Variants in MRTFA observed in about 807,000 individuals in gnomAD.
MRTFA encodes myocardin-related transcription factor A.
A neutral mutation model predicts 83.5 loss-of-function variants in MRTFA; 20 were observed. That is an observed-to-expected ratio of 0.24 (90% CI 0.17 to 0.35). The LOEUF is 0.35. MRTFA is among the 10% of genes least tolerant of loss of function. The pLI, the probability that MRTFA is intolerant of heterozygous loss-of-function variation, is 1.00. For synonymous variants in MRTFA, 659 were observed against 541.2 expected, an observed-to-expected ratio of 1.22 and a Z score of -3.02; for missense variants, 1,200 against 1,224.7, an observed-to-expected ratio of 0.98 and a Z score of 0.30.
chr22:40,475,626 G>A (rs1000460529), intron 3 of MRTFA, among the ~76,000 whole-genome samples: 2 of 152,204 alleles, frequency 1.3e-5, no homozygotes, highest in African/African-American at 4.8e-5. Flanking sequence ...CCAAGAGTGG[G>A]CATGCCCTAC....
In MRTFA at chr22:40,416,378, G is replaced by A. The variant is rs2052679604; in HGVS notation, c.2578+608C>T. Among the ~76,000 whole-genome samples, 1 of 152,188 alleles carries A rather than the reference G, an allele frequency of 6.6e-6. No individual in the cohort carries two copies. The highest frequency in any genetic ancestry group is 1.5e-5 in the Non-Finnish European group (1 of 68,038). Reference sequence around the variant, plus strand: ...CTTCTGCCCTTGCACGGCTACTATCGCCTGGGTCCTGCATCAGACCAGGCC... The same window carrying A: ...CTTCTGCCCTTGCACGGCTACTATCACCTGGGTCCTGCATCAGACCAGGCC... On this transcript the variant is annotated intron_variant, in intron 14 of 14. Transcript: ENST00000355630. The surrounding 1 kb of genome is among the most constrained non-coding windows in gnomAD (Gnocchi z 4.2).
intron 3 of MRTFA, among the ~76,000 whole-genome samples, chr22:40,495,686 G>T (rs898297674): frequency 6.7e-6 from 1 of 150,152 alleles, no homozygotes; most frequent in Admixed American, 6.6e-5. Context: ...TTGAACCGGG[G>T]AGGTGGAGGT....
intron 2 of MRTFA, among the ~76,000 whole-genome samples, chr22:40,590,658 A>AG (rs1164683546): frequency 2.7e-5 from 4 of 150,122 alleles, no homozygotes; most frequent in Admixed American, 1.3e-4. Flanking sequence ...GTGTAACAGA[A>AG]CAAGACTCTG....
intron 4 of MRTFA, among the ~76,000 whole-genome samples, chr22:40,437,016 A>T (rs1270197642): frequency 1.3e-5 from 2 of 152,182 alleles, no homozygotes; most frequent in Non-Finnish European, 2.9e-5. Flanking sequence ...ATTTATTTTT[A>T]AAAATTTTTT....
chr22:40,554,448 A>T (rs892731369), intron 2 of MRTFA, among the ~76,000 whole-genome samples: 8 of 152,096 alleles, frequency 5.3e-5, no homozygotes, highest in African/African-American at 1.9e-4. Flanking sequence ...ATAGTGAGTG[A>T]GCTCTCACAA....
intron 3 of MRTFA, among the ~76,000 whole-genome samples, chr22:40,547,133 C>T (rs985974654): frequency 1.7e-4 from 25 of 151,164 alleles, no homozygotes; most frequent in African/African-American, 5.6e-4. Context: ...CCAGCCTGGG[C>T]GACAGAGTGA....
rs1464613085 is a variant in MRTFA at position 40,577,382 on chromosome 22, A to G, written c.-22+17292T>C. On this transcript the variant is annotated intron_variant, in intron 2 of 14. Transcript: ENST00000355630. ...TTGGAATGAGAGAAAGCACAACTTT[A>G]AAGGATGTTATGTACATAATAGACA... 2.0e-5 allele frequency among the ~76,000 whole-genome samples: 3 copies of G among 152,096 alleles called. No homozygotes were observed. In the South Asian group the frequency reaches 6.2e-4, roughly 31 times the overall value.
chr22:40,454,920 C>T (rs2053556262), intron 4 of MRTFA, among the ~76,000 whole-genome samples: 1 of 152,202 alleles, frequency 6.6e-6, no homozygotes, highest in Non-Finnish European at 1.5e-5. Context: ...CCTGTCTCAG[C>T]CTACTAAGTT....
intron 3 of MRTFA, among the ~76,000 whole-genome samples, chr22:40,536,926 A>C: frequency 1.2e-5 from 1 of 82,950 alleles, no homozygotes; most frequent in South Asian, 4.5e-4. Flanking sequence ...CCGTCTGAGA[A>C]GTGAGGAGCC....
chr22:40,609,823 T>C (rs1427062670), intron 1 of MRTFA, among the ~76,000 whole-genome samples: 1 of 151,894 alleles, frequency 6.6e-6, no homozygotes, highest in Non-Finnish European at 1.5e-5. Flanking sequence ...AGAGCAAGAC[T>C]CTACCTCAAA....
chr22:40,565,669 C>T lies in MRTFA; in HGVS notation c.-21-13302G>A, dbSNP rs573913495. On this transcript the variant is annotated intron_variant, in intron 2 of 14. Coordinates refer to ENST00000355630, the MANE Select transcript of MRTFA (RefSeq NM_020831.6). ...GAGTACAACAGACAGAAAATATCTTCGCTTTCTTGGGCCTACATTATAGTG... is the reference window on the plus strand; with the variant it reads ...GAGTACAACAGACAGAAAATATCTTTGCTTTCTTGGGCCTACATTATAGTG... Among the ~76,000 whole-genome samples the T allele has an allele frequency of 2.4e-3, 371 of 152,260 alleles. 10 individuals are homozygous for T. Among genetic ancestry groups the T allele is most frequent in the Admixed American group, 0.024 (360 of 15,292 alleles).
intron 5 of MRTFA, among the ~76,000 whole-genome samples, chr22:40,432,571 A>T (rs1400857888): frequency 6.6e-6 from 1 of 152,076 alleles, no homozygotes; most frequent in Non-Finnish European, 1.5e-5. Context: ...CAAACCACAG[A>T]ACATTAGTGG....
chr22:40,545,664 C>T (rs2055351851), intron 3 of MRTFA, among the ~76,000 whole-genome samples: 1 of 151,080 alleles, frequency 6.6e-6, no homozygotes, highest in South Asian at 2.1e-4. Flanking sequence ...AACTCCTGAC[C>T]TCAGGCGATC....
In MRTFA at chr22:40,418,507, G is replaced by A; in HGVS notation, c.2231C>T (p.Pro744Leu). 6.3e-7 allele frequency: 1 copy of A among 1,596,786 alleles called. No individual in the cohort carries two copies. The change falls in exon 12 of 15, where the codon CCT (proline) becomes CTT (leucine). Residue 744 changes from proline (P) to leucine (L), a missense_variant. By Grantham distance (98) the Pro-to-Leu change is moderately conservative. Coordinates refer to ENST00000355630, the MANE Select transcript of MRTFA (RefSeq NM_020831.6). Reference sequence around the variant, plus strand: ...CCCCTTGATGAGGCTGGGGCCCTGAGGCCCCAGAAGCAACTGGGGGGCGGG... The same window carrying A: ...CCCCTTGATGAGGCTGGGGCCCTGAAGCCCCAGAAGCAACTGGGGGGCGGG...
At chr22:40,452,886 A>G (rs564940607) in intron 4 of MRTFA, among the ~76,000 whole-genome samples, 5 of 151,864 alleles carry the variant, frequency 3.3e-5, no homozygotes, top group Non-Finnish European at 7.4e-5. Flanking sequence ...TCTTCTTCGG[A>G]CCGAACCATG....
chr22:40,541,000 T>A (rs2055280755), intron 3 of MRTFA, among the ~76,000 whole-genome samples: 2 of 152,090 alleles, frequency 1.3e-5, no homozygotes, highest in Non-Finnish European at 2.9e-5. Context: ...AAATTTTCAT[T>A]AGAACACATA....
At chr22:40,636,249 C>G (rs1602523012) in intron 1 of MRTFA, among the ~76,000 whole-genome samples, 1 of 152,180 alleles carries the variant, frequency 6.6e-6, no homozygotes, top group Admixed American at 6.5e-5. Context: ...CGACCGCGCC[C>G]GCCCGCCCGG....
intron 2 of MRTFA, chr22:40,587,388 T>C (rs757441448): frequency 2.6e-6 from 1 of 380,866 alleles, no homozygotes; most frequent in South Asian, 2.1e-5. Context: ...TTAGAGACGA[T>C]GCAGGGTCCC....
chr22:40,594,887 TAAAAAAAAAAAA>T (rs776075354), intron 1 of MRTFA, among the ~76,000 whole-genome samples, 152 bp from the exon 2 acceptor site: 2 of 105,008 alleles, frequency 1.9e-5, no homozygotes, highest in African/African-American at 3.6e-5. Context: ...TGTCACTGGT[TAAAAAAAAAAAA>T]AAAAAAAAGG....
Sources: gnomAD v4.1 joint callset for allele counts (sites outside exome capture counted in the v4.1 genomes callset) on GRCh38, gnomAD v4.1.1 for gene constraint, Gnocchi (gnomAD v3.1) non-coding constraint, MANE v1.5 for transcripts, NCBI Gene and HGNC (gene_info 2026-07-23, HGNC 2026-07-21) for gene names.